Variants in NAALADL2 observed in about 807,000 individuals in gnomAD.
NAALADL2 encodes the protein inactive N-acetylated-alpha-linked acidic dipeptidase-like protein 2.
A neutral mutation model predicts 87.2 loss-of-function variants in NAALADL2; 76 were observed. The observed-to-expected ratio is 0.87, with a 90% CI of 0.72 to 1.05. The LOEUF (loss-of-function observed/expected upper bound fraction) is 1.05, where lower values mean the gene tolerates loss of function less well. Among genes scored for constraint, NAALADL2 ranks in the 50% least tolerant of loss-of-function variants. The pLI is 0.00. For synonymous variants in NAALADL2, 354 were observed against 331.0 expected, an observed-to-expected ratio of 1.07 and a Z score of -0.75; for missense variants, 1,089 against 945.8, an observed-to-expected ratio of 1.15 and a Z score of -1.99.
At chr3:175,375,809 C>A (rs1261275955) in intron 5 of NAALADL2, among the ~76,000 whole-genome samples, 1 of 151,720 alleles carries the variant, frequency 6.6e-6, no homozygotes, top group Non-Finnish European at 1.5e-5. Context: ...TCTATTTTTC[C>A]CATTTGTTCT....
At chr3:174,747,958 A>G (rs1317332603) in intron 3 of NAALADL2, among the ~76,000 whole-genome samples, 1 of 152,188 alleles carries the variant, frequency 6.6e-6, no homozygotes, top group East Asian at 1.9e-4. Context: ...TGGTATATTT[A>G]CACCATGGAA....
At chr3:174,664,284 C>A (rs567471648) in intron 2 of NAALADL2, among the ~76,000 whole-genome samples, 1 of 152,154 alleles carries the variant, frequency 6.6e-6, no homozygotes, top group Non-Finnish European at 1.5e-5. Flanking sequence ...ATTTTAATAC[C>A]GAACAATTAA....
At chr3:175,785,144 T>C (rs980993174) in intron 13 of NAALADL2, among the ~76,000 whole-genome samples, 4 of 150,450 alleles carry the variant, frequency 2.7e-5, no homozygotes, top group African/African-American at 9.9e-5. Context: ...AATTTTGGAA[T>C]AGGTGTGGTG....
intron 4 of NAALADL2, among the ~76,000 whole-genome samples, chr3:175,277,464 C>T (rs146987313): frequency 1.5e-3 from 230 of 152,184 alleles, no homozygotes; most frequent in South Asian, 8.5e-3. Flanking sequence ...AAAACCAATA[C>T]GGGACAGTGA....
chr3:174,691,800 C>G (rs1728607879), intron 2 of NAALADL2, among the ~76,000 whole-genome samples: 1 of 152,150 alleles, frequency 6.6e-6, no homozygotes. Flanking sequence ...CAACACTGTT[C>G]GTGACATCTT....
At chr3:175,259,874 A>G (rs1750716384) in intron 4 of NAALADL2, among the ~76,000 whole-genome samples, 1 of 152,290 alleles carries the variant, frequency 6.6e-6, no homozygotes, top group African/African-American at 2.4e-5. Flanking sequence ...CCAAAAATTC[A>G]AAAATTAGCT....
intron 3 of NAALADL2, among the ~76,000 whole-genome samples, chr3:174,759,945 C>T (rs541908605): frequency 1.1e-4 from 17 of 152,182 alleles, no homozygotes; most frequent in East Asian, 3.9e-4. Flanking sequence ...GTGATCTGCC[C>T]GCCTCTGCCT....
chr3:175,303,589 T>A lies in NAALADL2; in HGVS notation c.940-20586T>A, dbSNP rs531279634. 5.9e-5 allele frequency among the ~76,000 whole-genome samples: 9 copies of A among 152,336 alleles called. 1 individual carries two copies. Among genetic ancestry groups the A allele is most frequent in the African/African-American group, 2.2e-4 (9 of 41,584 alleles). On this transcript the variant is annotated intron_variant, in intron 4 of 13. Coordinates refer to ENST00000454872, the MANE Select transcript of NAALADL2 (RefSeq NM_207015.3). ...TCATGGTTATATATTAGTTTCTTTTTAAGATTTTGTATAAAAATTCAGTTA... is the reference window on the plus strand; with the variant it reads ...TCATGGTTATATATTAGTTTCTTTTAAAGATTTTGTATAAAAATTCAGTTA...
At chr3:175,684,993 TTTG>T (rs1415531146) in intron 11 of NAALADL2, among the ~76,000 whole-genome samples, 4 of 152,206 alleles carry the variant, frequency 2.6e-5, no homozygotes. Flanking sequence ...TCAGAGATTA[TTTG>T]TTGGAAAGTT....
At chr3:174,784,972 C>T (rs922817997) in intron 3 of NAALADL2, among the ~76,000 whole-genome samples, 1 of 152,070 alleles carries the variant, frequency 6.6e-6, no homozygotes, top group Non-Finnish European at 1.5e-5. Context: ...TAGGAGAGGA[C>T]TATGATAATC....
chr3:175,119,874 G>T (rs1403286741), intron 2 of NAALADL2, among the ~76,000 whole-genome samples: 5 of 125,338 alleles, frequency 4.0e-5, no homozygotes, highest in Non-Finnish European at 6.7e-5. Flanking sequence ...GTATGTGTAT[G>T]TGTATATATA....
intron 2 of NAALADL2, among the ~76,000 whole-genome samples, chr3:174,633,099 G>A (rs1722302506): frequency 6.6e-6 from 1 of 151,772 alleles, no homozygotes. Flanking sequence ...CATGGAACTA[G>A]CATGTGACTG....
At chr3:175,029,736 C>G (rs1329971393) in intron 1 of NAALADL2, among the ~76,000 whole-genome samples, 1 of 151,996 alleles carries the variant, frequency 6.6e-6, no homozygotes, top group African/African-American at 2.4e-5. Flanking sequence ...CTCAGACACA[C>G]TAAACCCCTC....
intron 1 of NAALADL2, among the ~76,000 whole-genome samples, chr3:174,997,441 A>G (rs1429739878): frequency 6.6e-6 from 1 of 152,132 alleles, no homozygotes; most frequent in African/African-American, 2.4e-5. Context: ...GTAATGGCAG[A>G]CAGGTAAAGA....
chr3:174,912,501 C>T (rs538180852), intron 1 of NAALADL2, among the ~76,000 whole-genome samples: 1 of 152,064 alleles, frequency 6.6e-6, no homozygotes, highest in African/African-American at 2.4e-5. Flanking sequence ...CCTAGGTAAC[C>T]AAAATGTGGT....
chr3:175,094,972 A>T (rs540161589), intron 1 of NAALADL2, among the ~76,000 whole-genome samples: 1 of 152,042 alleles, frequency 6.6e-6, no homozygotes, highest in Non-Finnish European at 1.5e-5. Flanking sequence ...TCCTGATGAC[A>T]ACACTACAAA....
chr3:174,835,948 C>T (rs914864279), intron 3 of NAALADL2, among the ~76,000 whole-genome samples: 4 of 152,254 alleles, frequency 2.6e-5, no homozygotes, highest in African/African-American at 9.6e-5. Flanking sequence ...TATGGTGGTT[C>T]CTAAACAAAA....
chr3:175,648,370 G>T (rs145471248), intron 11 of NAALADL2, among the ~76,000 whole-genome samples: 2,814 of 151,646 alleles, frequency 0.019, 29 homozygotes, highest in Middle Eastern at 0.024. Context: ...ATGGTGTAAA[G>T]ACTATTTTTG....
chr3:175,170,368 A>G (rs1314988068), intron 2 of NAALADL2, among the ~76,000 whole-genome samples: 2 of 149,646 alleles, frequency 1.3e-5, no homozygotes, highest in African/African-American at 2.4e-5. Context: ...ATATAACAAA[A>G]ATTGTCATTG....
Sources: gnomAD v4.1 joint callset for allele counts (sites outside exome capture counted in the v4.1 genomes callset) on GRCh38, gnomAD v4.1.1 for gene constraint, MANE v1.5 for transcripts, NCBI Gene and HGNC (gene_info 2026-07-23, HGNC 2026-07-21) for gene names.